SLC7A14: variants seen among roughly 807,000 people sequenced by gnomAD.
SLC7A14 encodes gamma-aminobutyric acid transporter SLC7A14.
A neutral mutation model predicts 60.2 loss-of-function variants in SLC7A14; 37 were observed. The observed-to-expected ratio is 0.61, with a 90% CI of 0.47 to 0.81. The LOEUF (loss-of-function observed/expected upper bound fraction) is 0.81, where lower values mean the gene tolerates loss of function less well. Among genes scored for constraint, SLC7A14 ranks in the 30% least tolerant of loss-of-function variants. The probability of loss-of-function intolerance (pLI) is 0.00; values close to 1 mark genes in which losing one functional copy is unlikely to be tolerated. For synonymous variants in SLC7A14, 399 were observed against 395.8 expected (o/e 1.01, Z -0.10); for missense variants, 886 against 982.7 (o/e 0.90, Z 1.32).
Position 170,461,906 on chromosome 3 carries a change from C to T in SLC7A14, c.*5149G>A, listed in dbSNP as rs761202086. On this transcript the variant is annotated 3_prime_UTR_variant, in exon 8 of 8. Coordinates refer to ENST00000231706, the MANE Select transcript of SLC7A14 (RefSeq NM_020949.3). The stretch of plus-strand genomic sequence containing the variant: ...TGAAAATGGAGCGCTGGCACACAGC[C>T]CTCGTGGCGACTTCTGGATGTGTTT... The T allele has an allele frequency of 1.3e-5, 2 of 152,540 alleles. No homozygotes were observed. The highest frequency in any genetic ancestry group is 4.8e-5 in the African/African-American group (2 of 41,376). The allele number at this position is 152,540 out of a possible 1,614,324, so 9.4% of individuals were successfully genotyped here. A position where few individuals can be genotyped will look rare whatever the true frequency, so the allele number is the denominator to read the frequency against.
chr3:170,549,751 C>T (rs532517729), intron 1 of SLC7A14, among the ~76,000 whole-genome samples: 1 of 152,284 alleles, frequency 6.6e-6, no homozygotes, highest in East Asian at 1.9e-4. Context: ...GTCACCTCCA[C>T]ATTTTACTTT....
intron 2 of SLC7A14, among the ~76,000 whole-genome samples, chr3:170,521,557 T>C (rs1713339292): frequency 6.6e-6 from 1 of 152,160 alleles, no homozygotes; most frequent in African/African-American, 2.4e-5. Flanking sequence ...ACATACCTAA[T>C]ATAGGACTTG....
intron 7 of SLC7A14, among the ~76,000 whole-genome samples, chr3:170,477,219 TC>T (rs1162314410): frequency 6.6e-6 from 1 of 152,228 alleles, no homozygotes; most frequent in Non-Finnish European, 1.5e-5. Context: ...TTGAATAACT[TC>T]CTGTTGACTT....
chr3:170,545,992 G>T (rs1340067248), intron 1 of SLC7A14, among the ~76,000 whole-genome samples: 14 of 152,204 alleles, frequency 9.2e-5, no homozygotes, highest in Non-Finnish European at 2.9e-5. Flanking sequence ...AGGAAACCCT[G>T]CTTTAACCAC....
At chr3:170,483,548 TG>T in intron 5 of SLC7A14, 26 bp from the exon 6 acceptor site, 1 of 1,613,088 alleles carries the variant, frequency 6.2e-7, no homozygotes, top group Non-Finnish European at 8.5e-7. Context: ...AAGACAGGGC[TG>T]GAGGTACAGG....
chr3:170,528,344 C>T (rs11924505), intron 1 of SLC7A14, among the ~76,000 whole-genome samples: 4 of 151,918 alleles, frequency 2.6e-5, no homozygotes, highest in Non-Finnish European at 5.9e-5. Context: ...CTTTGGAAGC[C>T]GGAAGCTGGA....
chr3:170,477,866 C>A (rs1711675420), intron 7 of SLC7A14, among the ~76,000 whole-genome samples: 2 of 152,150 alleles, frequency 1.3e-5, no homozygotes, highest in African/African-American at 4.8e-5. Context: ...ACTGAAGGCC[C>A]TTTTCAGCTT....
intron 5 of SLC7A14, among the ~76,000 whole-genome samples, chr3:170,483,852 G>A (rs1033190396): frequency 2.0e-5 from 3 of 152,178 alleles, no homozygotes; most frequent in Admixed American, 6.5e-5. Context: ...AGATATTTCT[G>A]GAAGGAAGGA....
Position 170,480,842 on chromosome 3 carries a change from T to A in SLC7A14, c.1440A>T (p.Thr480=), listed in dbSNP as rs760515753. The part of the protein sequence containing the change: ...GDEFSGPATN[T]CGAKNLPSLG... ...AGGATGGTAAGTTCTTGGCCCCACA[T>A]GTGTTGGTGGCTGGGCCAGAAAACT... The change falls in exon 7 of 8, where the codon ACA becomes ACT. Residue 480 remains threonine (T), a synonymous_variant. Coordinates refer to ENST00000231706, the MANE Select transcript of SLC7A14 (RefSeq NM_020949.3). The A allele has an allele frequency of 2.5e-6, 4 of 1,614,004 alleles. No homozygotes were observed. Among genetic ancestry groups the A allele is most frequent in the Non-Finnish European group, 3.4e-6 (4 of 1,180,026 alleles).
intron 2 of SLC7A14, among the ~76,000 whole-genome samples, chr3:170,525,824 G>A (rs1212366353): frequency 6.6e-6 from 1 of 152,188 alleles, no homozygotes; most frequent in Non-Finnish European, 1.5e-5. Context: ...CGCGGCCGAG[G>A]CGGGCGGATC....
chr3:170,532,584 TGTA>T lies in SLC7A14; in HGVS notation c.-152-5499_-152-5497del, dbSNP rs1713710115. 6.6e-6 allele frequency among the ~76,000 whole-genome samples: 1 copy of T among 152,166 alleles called. No homozygotes were observed. Among genetic ancestry groups the T allele is most frequent in the Non-Finnish European group, 1.5e-5 (1 of 68,028 alleles). On this transcript the variant is annotated intron_variant, in intron 1 of 7. Coordinates refer to ENST00000231706, the MANE Select transcript of SLC7A14 (RefSeq NM_020949.3). This position sits in a 1 kb window ranked among gnomAD's most constrained non-coding sequence, Gnocchi z 4.0. ...GGTGAGGAGTGGAAGAGCTAATACGTGTAGAGCTTTTAGTACCGCGCCTGGCGT... is the reference window on the plus strand; with the variant it reads ...GGTGAGGAGTGGAAGAGCTAATACGTGAGCTTTTAGTACCGCGCCTGGCGT...
chr3:170,491,231 A>T (rs188988010), intron 4 of SLC7A14, among the ~76,000 whole-genome samples: 189 of 152,350 alleles, frequency 1.2e-3, no homozygotes, highest in Non-Finnish European at 2.0e-3. Context: ...CAGAAATGCT[A>T]CTTTCCTCTA....
chr3:170,479,051 G>A (rs1711724316), intron 7 of SLC7A14, among the ~76,000 whole-genome samples: 1 of 152,132 alleles, frequency 6.6e-6, no homozygotes, highest in Non-Finnish European at 1.5e-5. Context: ...GAACCTGGTT[G>A]GCGGAGGTTG....
chr3:170,543,715 G>T (rs1714088169), intron 1 of SLC7A14, among the ~76,000 whole-genome samples: 2 of 151,560 alleles, frequency 1.3e-5, no homozygotes, highest in South Asian at 4.2e-4. Context: ...TGGGAAAGGG[G>T]ATGGGCTAAA....
chr3:170,529,003 G>T (rs1334764105), intron 1 of SLC7A14, among the ~76,000 whole-genome samples: 1 of 152,230 alleles, frequency 6.6e-6, no homozygotes, highest in East Asian at 1.9e-4. Context: ...CATGGAGCTT[G>T]CAGCCTGGGA....
intron 1 of SLC7A14, among the ~76,000 whole-genome samples, chr3:170,547,090 G>T (rs1333084185): frequency 6.6e-6 from 1 of 152,096 alleles, no homozygotes; most frequent in Non-Finnish European, 1.5e-5. Context: ...CCTGGATGGA[G>T]ATGTAAGATT....
intron 1 of SLC7A14, among the ~76,000 whole-genome samples, chr3:170,579,435 A>C (rs1715179253): frequency 1.3e-5 from 2 of 152,218 alleles, no homozygotes; most frequent in African/African-American, 4.8e-5. Flanking sequence ...AACATGGAAA[A>C]ATTTTTTTAA....
intron 7 of SLC7A14, among the ~76,000 whole-genome samples, chr3:170,471,783 A>C (rs143227440): frequency 4.7e-4 from 72 of 152,356 alleles, no homozygotes; most frequent in Non-Finnish European, 7.9e-4. Flanking sequence ...AGCCTCAAGA[A>C]TAAGATGGCT....
rs186338198 is a variant in SLC7A14 at position 170,497,947 on chromosome 3, C to T, written c.759+720G>A. The stretch of plus-strand genomic sequence containing the variant: ...GTAAACCTGCCTGTTATGAACTATG[C>T]CTTTGGAATGGGATTTATAGCACAG... On this transcript the variant is annotated intron_variant, in intron 4 of 7. Coordinates refer to ENST00000231706, the MANE Select transcript of SLC7A14 (RefSeq NM_020949.3). 3.9e-5 allele frequency among the ~76,000 whole-genome samples: 6 copies of T among 152,354 alleles called. No individual in the cohort carries two copies. The East Asian group carries it at 1.2e-3, about 29-fold the overall frequency.
Sources: gnomAD v4.1 joint callset for allele counts (sites outside exome capture counted in the v4.1 genomes callset) on GRCh38, gnomAD v4.1.1 for gene constraint, Gnocchi (gnomAD v3.1) non-coding constraint, MANE v1.5 for transcripts, NCBI Gene and HGNC (gene_info 2026-07-23, HGNC 2026-07-21) for gene names.